TRABD2B: variants seen among roughly 807,000 people sequenced by gnomAD.
TRABD2B encodes metalloprotease TIKI2.
TRABD2B carries 14 observed loss-of-function variants against 40.1 expected under a neutral mutation model. The ratio of observed to expected loss-of-function variants is 0.35; its 90% CI spans 0.23 to 0.55. TRABD2B has a LOEUF of 0.55. Ranked by LOEUF, TRABD2B falls within the 20% of genes least tolerant of loss-of-function variation. TRABD2B has a pLI of 0.90. For missense variants in TRABD2B, 541 were observed against 648.6 expected (o/e 0.83, Z 1.80); for synonymous variants, 263 against 277.0 (o/e 0.95, Z 0.50).
At chr1:47,922,299 C>A (rs1187434584) in intron 2 of TRABD2B, among the ~76,000 whole-genome samples, 8 of 152,196 alleles carry the variant, frequency 5.3e-5, no homozygotes, top group Non-Finnish European at 1.2e-4. Flanking sequence ...TTGGCCCAGG[C>A]TCCACAAGAG....
intron 2 of TRABD2B, among the ~76,000 whole-genome samples, chr1:47,908,609 C>T (rs760614313): frequency 2.0e-5 from 3 of 152,222 alleles, no homozygotes; most frequent in Non-Finnish European, 4.4e-5. Flanking sequence ...TGTCTCTTGC[C>T]ACCTCCTCTG....
chr1:47,818,188 C>T (rs577046391), intron 2 of TRABD2B: 1 of 152,420 alleles, frequency 6.6e-6, no homozygotes, highest in South Asian at 2.1e-4. Context: ...GCTGGGAGGC[C>T]CTGGTTGACC....
chr1:47,817,136 C>A (rs1488354055), intron 2 of TRABD2B, among the ~76,000 whole-genome samples: 2 of 152,010 alleles, frequency 1.3e-5, no homozygotes, highest in Non-Finnish European at 2.9e-5. Flanking sequence ...GGCTGGTGTG[C>A]CAGCTGTTAG....
chr1:47,996,829 G>A lies in TRABD2B; in HGVS notation c.-40C>T, dbSNP rs1427214894. 5.1e-6 allele frequency: 6 copies of A among 1,171,358 alleles called. No individual in the cohort carries two copies. Among genetic ancestry groups the A allele is most frequent in the South Asian group, 4.2e-5 (1 of 23,706 alleles). The allele number at this position is 1,171,358 out of a possible 1,614,324, so 72.6% of individuals were successfully genotyped here. On this transcript the variant is annotated 5_prime_UTR_variant, in exon 1 of 7. Coordinates refer to ENST00000606738, the MANE Select transcript of TRABD2B (RefSeq NM_001194986.2). This position sits in a 1 kb window ranked among gnomAD's most constrained non-coding sequence, Gnocchi z 4.6. ...CGGGGCGCGGGGGACCCTCCTGGGC[G>A]GCGCCCCTCAGCGGGGCGGGGAGCC...
chr1:47,769,451 AGCCTGAGTGG>A (rs1276496635), intron 6 of TRABD2B, among the ~76,000 whole-genome samples: 1 of 152,228 alleles, frequency 6.6e-6, no homozygotes, highest in African/African-American at 2.4e-5. Context: ...TCCCGCTTGG[AGCCTGAGTGG>A]GCTTTTTATT....
intron 2 of TRABD2B, among the ~76,000 whole-genome samples, chr1:47,878,359 G>A (rs1644254277): frequency 6.6e-6 from 1 of 152,192 alleles, no homozygotes; most frequent in African/African-American, 2.4e-5. Flanking sequence ...TGTTTTCAGT[G>A]AGTAGGTTAT....
intron 2 of TRABD2B, among the ~76,000 whole-genome samples, chr1:47,816,998 G>A (rs1354368227): frequency 6.6e-6 from 1 of 152,118 alleles, no homozygotes; most frequent in Non-Finnish European, 1.5e-5. Context: ...ACGAGAGTGG[G>A]GGCTATGTCA....
At chr1:47,882,883 G>A (rs536985582) in intron 2 of TRABD2B, among the ~76,000 whole-genome samples, 5 of 152,254 alleles carry the variant, frequency 3.3e-5, no homozygotes, top group African/African-American at 1.2e-4. Flanking sequence ...CCCCAGGAAG[G>A]AGGCAGGTAA....
intron 2 of TRABD2B, among the ~76,000 whole-genome samples, chr1:47,832,749 G>C (rs1015460249): frequency 1.9e-4 from 29 of 152,132 alleles, no homozygotes; most frequent in African/African-American, 6.3e-4. Flanking sequence ...TAGTTTCTTT[G>C]TTCTTTTTAT....
At chr1:47,950,034 C>T (rs548735237) in intron 2 of TRABD2B, among the ~76,000 whole-genome samples, 1 of 152,140 alleles carries the variant, frequency 6.6e-6, no homozygotes, top group Admixed American at 6.5e-5. Flanking sequence ...GCCTGTAATC[C>T]CAGCACTTTG....
At chr1:47,993,353 A>C (rs968347896) in intron 2 of TRABD2B, among the ~76,000 whole-genome samples, 11 of 152,118 alleles carry the variant, frequency 7.2e-5, no homozygotes, top group Admixed American at 2.6e-4. Flanking sequence ...TAAACCTCTT[A>C]AGCCCCTCCC....
At chr1:47,902,997 C>G (rs1410564724) in intron 2 of TRABD2B, among the ~76,000 whole-genome samples, 2 of 152,150 alleles carry the variant, frequency 1.3e-5, no homozygotes, top group Non-Finnish European at 2.9e-5. Flanking sequence ...GCCCCTTCTG[C>G]CTGGAAAGTC....
chr1:47,919,835 G>A (rs972038967), intron 2 of TRABD2B, among the ~76,000 whole-genome samples: 1 of 152,218 alleles, frequency 6.6e-6, no homozygotes, highest in Non-Finnish European at 1.5e-5. Context: ...ATATGGTAGG[G>A]CTTCCTGGAG....
chr1:47,945,126 G>A (rs1175246880), intron 2 of TRABD2B, among the ~76,000 whole-genome samples: 1 of 152,288 alleles, frequency 6.6e-6, no homozygotes, highest in East Asian at 1.9e-4. Context: ...GCAATGGGGA[G>A]CTCTGAAAGA....
Position 47,846,894 on chromosome 1 carries a change from A to ACACACACACACACACACACACACG in TRABD2B, c.667-45276_667-45275insCGTGTGTGTGTGTGTGTGTGTGTG, listed in dbSNP as rs1439715341. 2.5e-3 allele frequency among the ~76,000 whole-genome samples: 370 copies of ACACACACACACACACACACACACG among 145,678 alleles called. 5 individuals are homozygous for ACACACACACACACACACACACACG. The highest frequency in any genetic ancestry group is 0.01 in the East Asian group (49 of 4,846). On this transcript the variant is annotated intron_variant, in intron 2 of 6. Transcript: ENST00000606738. ...CACACACACACACACACACACACACACAAATGAGGGCTGGGTGCCCTCTGA... is the reference window on the plus strand; with the variant it reads ...CACACACACACACACACACACACACACACACACACACACACACACACACGCAAATGAGGGCTGGGTGCCCTCTGA...
intron 2 of TRABD2B, among the ~76,000 whole-genome samples, chr1:47,945,227 G>C (rs1458015776): frequency 2.6e-5 from 4 of 152,308 alleles, no homozygotes; most frequent in Non-Finnish European, 5.9e-5. Context: ...ATGTTGCCAT[G>C]TTCCAGGGAG....
intron 2 of TRABD2B, among the ~76,000 whole-genome samples, chr1:47,991,061 TA>T (rs1249480946): frequency 6.6e-6 from 1 of 151,478 alleles, no homozygotes; most frequent in Non-Finnish European, 1.5e-5. Flanking sequence ...AAGAAAGAAC[TA>T]AGGAATGATT....
intron 2 of TRABD2B, among the ~76,000 whole-genome samples, chr1:47,984,641 C>G (rs925789241): frequency 2.6e-5 from 4 of 152,192 alleles, no homozygotes; most frequent in African/African-American, 4.8e-5. Flanking sequence ...ACTCGCGCCC[C>G]GTCCTCTAGC....
At chr1:47,984,608 T>C (rs567951429) in intron 2 of TRABD2B, among the ~76,000 whole-genome samples, 1 of 152,340 alleles carries the variant, frequency 6.6e-6, no homozygotes, top group African/African-American at 2.4e-5. Context: ...CAAGCTGAAC[T>C]GCTCTCGGCC....
Sources: gnomAD v4.1 joint callset for allele counts (sites outside exome capture counted in the v4.1 genomes callset) on GRCh38, gnomAD v4.1.1 for gene constraint, Gnocchi (gnomAD v3.1) non-coding constraint, MANE v1.5 for transcripts, NCBI Gene and HGNC (gene_info 2026-07-23, HGNC 2026-07-21) for gene names.